The following CSNK2A2 variants were observed in gnomAD, a reference collection of about 807,000 sequenced individuals.
The protein encoded by CSNK2A2 is casein kinase II subunit alpha'.
A neutral mutation model predicts 54.0 loss-of-function variants in CSNK2A2; 8 were observed. That is an observed-to-expected ratio of 0.15 (90% CI 0.09 to 0.27). The LOEUF (loss-of-function observed/expected upper bound fraction) is 0.27. CSNK2A2 is among the 10% of genes least tolerant of loss of function. CSNK2A2 has a pLI of 1.00. For synonymous variants in CSNK2A2, 141 were observed against 153.9 expected (o/e 0.92, Z 0.62); for missense variants, 242 against 439.4 (o/e 0.55, Z 4.02).
intron 3 of CSNK2A2, among the ~76,000 whole-genome samples, chr16:58,185,461 C>A (rs1203077936): frequency 6.6e-6 from 1 of 152,144 alleles, no homozygotes; most frequent in East Asian, 1.9e-4. Flanking sequence ...CATACTTTAA[C>A]AAATTAAGTT....
intron 2 of CSNK2A2, among the ~76,000 whole-genome samples, chr16:58,193,826 T>C (rs969105516): frequency 1.3e-5 from 2 of 152,178 alleles, no homozygotes; most frequent in African/African-American, 4.8e-5. Context: ...TCTTTTCTCC[T>C]CAAAACAATT....
chr16:58,194,881 T>C (rs538260327), intron 2 of CSNK2A2, among the ~76,000 whole-genome samples: 3 of 151,998 alleles, frequency 2.0e-5, no homozygotes, highest in Non-Finnish European at 4.4e-5. Flanking sequence ...CTCTCCTAAA[T>C]GAACATGCTG....
intron 9 of CSNK2A2, among the ~76,000 whole-genome samples, 154 bp downstream of exon 9, chr16:58,166,430 A>G (rs1597109573): frequency 6.6e-6 from 1 of 152,344 alleles, no homozygotes; most frequent in East Asian, 1.9e-4. Flanking sequence ...TAAAGTCCAA[A>G]TATCTCAATA....
intron 3 of CSNK2A2, among the ~76,000 whole-genome samples, chr16:58,185,305 C>T (rs1247276452): frequency 2.6e-5 from 4 of 152,188 alleles, no homozygotes; most frequent in Non-Finnish European, 5.9e-5. Context: ...TCTTCACCAG[C>T]CCGAAGCTGT....
At chr16:58,179,773 G>T (rs545726339) in intron 4 of CSNK2A2, among the ~76,000 whole-genome samples, 3 of 152,066 alleles carry the variant, frequency 2.0e-5, no homozygotes, top group Non-Finnish European at 4.4e-5. Flanking sequence ...TTAAGCACAT[G>T]TATTGTCAAG....
chr16:58,166,745 G>A, intron 8 of CSNK2A2, 61 bp from the exon 9 acceptor site: 1 of 1,172,654 alleles, frequency 8.5e-7, no homozygotes, highest in Admixed American at 1.7e-5. Flanking sequence ...AGCCCGTGAG[G>A]ACACTGCACC....
chr16:58,185,073 C>A (rs1000666911), intron 3 of CSNK2A2, among the ~76,000 whole-genome samples: 1 of 151,894 alleles, frequency 6.6e-6, no homozygotes, highest in African/African-American at 2.4e-5. Context: ...TAACAGGATT[C>A]CTTAATTGAA....
At chr16:58,177,639 C>G (rs1415426366) in intron 4 of CSNK2A2, among the ~76,000 whole-genome samples, 1 of 152,228 alleles carries the variant, frequency 6.6e-6, no homozygotes, top group East Asian at 1.9e-4. Context: ...TATAAGACAG[C>G]TTCCCAGGCA....
chr16:58,169,119 G>A (rs1392410177), intron 5 of CSNK2A2, among the ~76,000 whole-genome samples: 10 of 152,020 alleles, frequency 6.6e-5, no homozygotes, highest in Admixed American at 5.2e-4. Context: ...GTAGAGACAG[G>A]GTTTCACCGT....
At chr16:58,166,917 G>A (rs184410469) in intron 8 of CSNK2A2, among the ~76,000 whole-genome samples, 1 of 152,294 alleles carries the variant, frequency 6.6e-6, no homozygotes, top group East Asian at 1.9e-4. Context: ...TCTAGAGGTG[G>A]ACCAGTACAG....
intron 4 of CSNK2A2, among the ~76,000 whole-genome samples, chr16:58,174,906 G>A (rs1266556564): frequency 6.6e-6 from 1 of 152,174 alleles, no homozygotes; most frequent in Non-Finnish European, 1.5e-5. Context: ...CTAGAGAAGT[G>A]AGTTCTGAGT....
chr16:58,176,862 C>G (rs1320305705), intron 4 of CSNK2A2, among the ~76,000 whole-genome samples: 2 of 152,212 alleles, frequency 1.3e-5, no homozygotes, highest in East Asian at 3.9e-4. Flanking sequence ...ACCTCAGGTT[C>G]TCAAGGTGAC....
chr16:58,192,106 G>GGGTAATGTTGTGCA (rs1962333485), intron 2 of CSNK2A2, among the ~76,000 whole-genome samples: 1 of 152,140 alleles, frequency 6.6e-6, no homozygotes, highest in Non-Finnish European at 1.5e-5. Flanking sequence ...ACAATCCTGT[G>GGGTAATGTTGTGCA]ACTTAAGCAG....
intron 5 of CSNK2A2, among the ~76,000 whole-genome samples, chr16:58,169,584 CTCTCA>C (rs967011536): frequency 1.3e-5 from 2 of 151,946 alleles, no homozygotes; most frequent in African/African-American, 4.8e-5. Context: ...CTGGAGTCAC[CTCTCA>C]TAATGGTTCA....
At chr16:58,160,476 T>C (rs1961307905) in intron 11 of CSNK2A2, 1 of 152,218 alleles carries the variant, frequency 6.6e-6, no homozygotes, top group Admixed American at 6.5e-5. Context: ...AATTGTTGCT[T>C]GTGTCTCAAA....
intron 2 of CSNK2A2, among the ~76,000 whole-genome samples, chr16:58,188,568 T>C (rs1188281828): frequency 1.4e-4 from 22 of 152,254 alleles, no homozygotes; most frequent in Admixed American, 1.4e-3. Flanking sequence ...GGGATTTTCC[T>C]TTGCTATAAA....
chr16:58,160,524 G>A (rs1293636625), intron 11 of CSNK2A2: 1 of 152,214 alleles, frequency 6.6e-6, no homozygotes, highest in Non-Finnish European at 1.5e-5. Flanking sequence ...GAGCACCTGG[G>A]AGAACCTAAG....
intron 3 of CSNK2A2, among the ~76,000 whole-genome samples, chr16:58,185,235 T>A (rs1401622569): frequency 6.6e-6 from 1 of 151,876 alleles, no homozygotes; most frequent in Non-Finnish European, 1.5e-5. Flanking sequence ...AGCATGCAGA[T>A]CTCTGCGAGG....
At chr16:58,177,266 G>C (rs1961907100) in intron 4 of CSNK2A2, among the ~76,000 whole-genome samples, 1 of 152,190 alleles carries the variant, frequency 6.6e-6, no homozygotes, top group Non-Finnish European at 1.5e-5. Context: ...ACATTAGAAA[G>C]AGAAACGTCA....
Sources: gnomAD v4.1 joint callset for allele counts (sites outside exome capture counted in the v4.1 genomes callset) on GRCh38, gnomAD v4.1.1 for gene constraint, MANE v1.5 for transcripts, NCBI Gene and HGNC (gene_info 2026-07-23, HGNC 2026-07-21) for gene names.